The following SHISA9 variants were observed in gnomAD, a reference collection of about 807,000 sequenced individuals.
The protein encoded by SHISA9 is protein shisa-9.
In SHISA9, 13 loss-of-function variants were observed where a neutral mutation model predicts 38.0. That is an observed-to-expected ratio of 0.34 (90% CI 0.22 to 0.54). SHISA9 has a LOEUF of 0.54. SHISA9 is among the 20% of genes least tolerant of loss of function. The pLI is 0.91. For missense variants in SHISA9, 538 were observed against 575.8 expected (o/e 0.93, Z 0.67); for synonymous variants, 275 against 242.0 (o/e 1.14, Z -1.27).
chr16:12,982,674 G>C (rs1226364856), intron 2 of SHISA9, among the ~76,000 whole-genome samples: 1 of 152,156 alleles, frequency 6.6e-6, no homozygotes, highest in Non-Finnish European at 1.5e-5. Flanking sequence ...GCTAGACCAG[G>C]TTTAGTTTTT....
At chr16:13,399,003 CT>C in the SHISA9 span, among the ~76,000 whole-genome samples, 1 of 152,166 alleles carries the variant, frequency 6.6e-6, no homozygotes, top group Non-Finnish European at 1.5e-5. Flanking sequence ...CACCTGTAAT[CT>C]CAACACTTTA....
intron 2 of SHISA9, among the ~76,000 whole-genome samples, chr16:13,173,152 C>T (rs893729894): frequency 1.4e-5 from 2 of 139,548 alleles, no homozygotes; most frequent in Non-Finnish European, 3.3e-5. Flanking sequence ...GATGCACGTG[C>T]GCACACACAC....
chr16:13,263,220 C>A, the SHISA9 span, among the ~76,000 whole-genome samples: 1 of 152,170 alleles, frequency 6.6e-6, no homozygotes, highest in African/African-American at 2.4e-5. Context: ...CTTGATGAGT[C>A]CGTGGTCATG....
At chr16:13,318,614 C>T in the SHISA9 span, among the ~76,000 whole-genome samples, 3 of 152,278 alleles carry the variant, frequency 2.0e-5, no homozygotes, top group South Asian at 4.1e-4. Context: ...AGCCACCGTG[C>T]CTGGCCCTCC....
intron 2 of SHISA9, among the ~76,000 whole-genome samples, chr16:13,153,945 G>A (rs1487965643): frequency 6.6e-6 from 1 of 150,726 alleles, no homozygotes; most frequent in Admixed American, 6.6e-5. Flanking sequence ...CAACAGATCT[G>A]AGGGCTGGGA....
chr16:13,323,060 C>G, the SHISA9 span, among the ~76,000 whole-genome samples: 1 of 152,178 alleles, frequency 6.6e-6, no homozygotes, highest in Non-Finnish European at 1.5e-5. Context: ...TGTTTAGGTT[C>G]AACCCCCAGC....
At chr16:13,298,403 G>A in the SHISA9 span, among the ~76,000 whole-genome samples, 2 of 152,124 alleles carry the variant, frequency 1.3e-5, no homozygotes, top group African/African-American at 2.4e-5. Context: ...TAAACACGAT[G>A]ATGACTCACA....
At chr16:13,029,866 G>T (rs2072970278) in intron 2 of SHISA9, among the ~76,000 whole-genome samples, 1 of 152,132 alleles carries the variant, frequency 6.6e-6, no homozygotes. Flanking sequence ...ACAAAGGCTG[G>T]GAGCCAGAGG....
chr16:12,902,800 G>T (rs2141701125), intron 1 of SHISA9, 173 bp downstream of exon 1: 1 of 653,578 alleles, frequency 1.5e-6, no homozygotes, highest in Non-Finnish European at 2.6e-6. Flanking sequence ...GAGAAGGGGC[G>T]CTGGGCTCAG....
At chr16:13,231,078 G>T (rs2051327534) in intron 4 of SHISA9, among the ~76,000 whole-genome samples, 1 of 152,194 alleles carries the variant, frequency 6.6e-6, no homozygotes, top group South Asian at 2.1e-4. Flanking sequence ...ATGCAGCCCA[G>T]TAGGTGTCAA....
At chr16:12,955,792 C>A (rs143518298) in intron 2 of SHISA9, among the ~76,000 whole-genome samples, 53 of 152,130 alleles carry the variant, frequency 3.5e-4, no homozygotes, top group Admixed American at 1.4e-3. Flanking sequence ...AAGACCTGGA[C>A]CTATAAAAAT....
At chr16:12,953,600 T>C (rs2071789006) in intron 2 of SHISA9, among the ~76,000 whole-genome samples, 1 of 152,200 alleles carries the variant, frequency 6.6e-6, no homozygotes, top group Non-Finnish European at 1.5e-5. Flanking sequence ...ATAAGACCTA[T>C]TACTCTTTTA....
At chr16:13,463,502 A>G in the SHISA9 span, among the ~76,000 whole-genome samples, 2 of 150,822 alleles carry the variant, frequency 1.3e-5, no homozygotes, top group African/African-American at 2.4e-5. Flanking sequence ...TCTCAGTTGC[A>G]GAAATGAAGG....
the SHISA9 span, among the ~76,000 whole-genome samples, chr16:13,561,891 CT>C: frequency 1.3e-5 from 2 of 152,134 alleles, no homozygotes; most frequent in Admixed American, 6.5e-5. Context: ...CAAAAGACAG[CT>C]GTATTGGCTG....
intron 2 of SHISA9, among the ~76,000 whole-genome samples, chr16:12,972,041 T>TTGTGTGTGTGTGTG (rs72368949): frequency 0.014 from 1,958 of 141,984 alleles, 27 homozygotes; most frequent in Non-Finnish European, 0.015. Context: ...CTCTTGGAGT[T>TTGTGTGTGTGTGTG]TGTGTGTGTG....
the SHISA9 span, among the ~76,000 whole-genome samples, chr16:13,256,825 G>T: frequency 6.6e-6 from 1 of 152,204 alleles, no homozygotes; most frequent in South Asian, 2.1e-4. Flanking sequence ...AATAGTTTAT[G>T]ATTTGAAAGT....
chr16:13,028,924 G>A (rs914481103), intron 2 of SHISA9, among the ~76,000 whole-genome samples: 1 of 152,136 alleles, frequency 6.6e-6, no homozygotes, highest in South Asian at 2.1e-4. Flanking sequence ...AGTGGGGGAC[G>A]AGTCCTTCCC....
At chr16:12,904,863 A>G (rs1439841940) in intron 1 of SHISA9, among the ~76,000 whole-genome samples, 1 of 152,028 alleles carries the variant, frequency 6.6e-6, no homozygotes. Context: ...GGACCTGAGC[A>G]TCTGTATTAT....
intron 2 of SHISA9, among the ~76,000 whole-genome samples, chr16:12,972,041 TTGTGTGTGTGTGTG>T (rs72368949): frequency 2.2e-4 from 31 of 142,038 alleles, no homozygotes; most frequent in Middle Eastern, 3.6e-3. Flanking sequence ...CTCTTGGAGT[TTGTGTGTGTGTGTG>T]TGTGTGTGTG....
Sources: gnomAD v4.1 joint callset for allele counts (sites outside exome capture counted in the v4.1 genomes callset) on GRCh38, gnomAD v4.1.1 for gene constraint, MANE v1.5 for transcripts, NCBI Gene and HGNC (gene_info 2026-07-23, HGNC 2026-07-21) for gene names.